The following MDM1 variants were observed in gnomAD, a reference collection of about 807,000 sequenced individuals.
MDM1 encodes Mdm1 nuclear protein.
A neutral mutation model predicts 89.1 loss-of-function variants in MDM1; 61 were observed. The ratio of observed to expected loss-of-function variants is 0.68; its 90% CI spans 0.56 to 0.85. MDM1 has a LOEUF of 0.85. Among genes scored for constraint, MDM1 ranks in the 40% least tolerant of loss-of-function variants. The pLI, the probability that MDM1 is intolerant of heterozygous loss-of-function variation, is 0.00. For missense variants in MDM1, 820 were observed against 846.5 expected, an observed-to-expected ratio of 0.97 and a Z score of 0.39; for synonymous variants, 290 against 294.1, an observed-to-expected ratio of 0.99 and a Z score of 0.14.
intron 10 of MDM1, among the ~76,000 whole-genome samples, 176 bp from the exon 11 acceptor site, chr12:68,313,929 C>T (rs892899520): frequency 1.6e-4 from 25 of 152,088 alleles, no homozygotes; most frequent in African/African-American, 6.0e-4. Context: ...ATCAGGAGAT[C>T]GAGACCATCC....
At chr12:68,313,417 T>G in intron 12 of MDM1, 26 bp downstream of exon 12, 2 of 1,495,242 alleles carry the variant, frequency 1.3e-6, no homozygotes, top group Non-Finnish European at 1.9e-6. Flanking sequence ...CTAGATGAGA[T>G]GCTTTTTTCC....
chr12:68,326,258 C>G (rs1875958330), intron 3 of MDM1: 1 of 1,171,402 alleles, frequency 8.5e-7, no homozygotes, highest in Admixed American at 4.2e-5. Flanking sequence ...AATTGAATTT[C>G]TGTTTGTCTT....
intron 5 of MDM1, among the ~76,000 whole-genome samples, chr12:68,322,179 T>C (rs1875319389): frequency 6.6e-6 from 1 of 152,216 alleles, no homozygotes; most frequent in Non-Finnish European, 1.5e-5. Flanking sequence ...GATTCAAAAA[T>C]AGTATTTATA....
intron 7 of MDM1, among the ~76,000 whole-genome samples, chr12:68,318,615 T>A (rs1318022960): frequency 6.6e-6 from 1 of 152,152 alleles, no homozygotes; most frequent in African/African-American, 2.4e-5. Flanking sequence ...TCCAAAGTAG[T>A]ATGTTCTACT....
chr12:68,330,987 A>C, intron 2 of MDM1, 120 bp downstream of exon 2: 2 of 665,058 alleles, frequency 3.0e-6, no homozygotes, highest in African/African-American at 1.8e-5. Context: ...AGGCCAACTG[A>C]ACTTTTAATA....
chr12:68,299,838 C>A (rs1383092098), intron 13 of MDM1, among the ~76,000 whole-genome samples: 1 of 152,166 alleles, frequency 6.6e-6, no homozygotes, highest in Non-Finnish European at 1.5e-5. Context: ...TCAATGAACT[C>A]TTAGGAACTT....
chr12:68,314,622 C>T (rs1006910361), intron 10 of MDM1, among the ~76,000 whole-genome samples: 2 of 152,140 alleles, frequency 1.3e-5, no homozygotes, highest in African/African-American at 4.8e-5. Context: ...TTAAAGAACA[C>T]CAGTTTTTTT....
intron 4 of MDM1, 114 bp from the exon 5 acceptor site, chr12:68,323,354 T>C: frequency 1.5e-6 from 1 of 687,172 alleles, no homozygotes; most frequent in Non-Finnish European, 2.3e-6. Flanking sequence ...ATAGCAAAGT[T>C]ATATATGATT....
chr12:68,297,039 T>A (rs1871495672), intron 13 of MDM1, 57 bp from the exon 14 acceptor site: 2 of 1,278,970 alleles, frequency 1.6e-6, no homozygotes, highest in Non-Finnish European at 2.2e-6. Flanking sequence ...ACAGCTTATC[T>A]CAATTATATA....
In MDM1 at chr12:68,295,336, C is replaced by G; in HGVS notation, c.2093G>C (p.Arg698Pro). 1 of 1,612,788 alleles carries G rather than the reference C, an allele frequency of 6.2e-7. No individual in the cohort carries two copies. The highest frequency in any genetic ancestry group is 1.1e-5 in the South Asian group (1 of 90,884). The change falls in exon 15 of 15, where the codon CGC (arginine) becomes CCC (proline). Residue 698 changes from arginine (R) to proline (P), a missense_variant. By Grantham distance (103) the Arg-to-Pro change is moderately radical (BLOSUM62 -2). Coordinates refer to ENST00000682720, the MANE Select transcript of MDM1 (RefSeq NM_001354969.2). ...DEDRLSEISA[R>P]SAASSLRAFQ... ...AGCCCGGAGACTAGAAGCTGCAGAG[C>G]GAGCAGAAATCTCAGACAATCTGTC...
rs1382013349 is a variant in MDM1 at position 68,313,631 on chromosome 12, G to A, written c.1639+13C>T. 1 of 1,610,626 alleles carries A rather than the reference G, an allele frequency of 6.2e-7. No homozygotes were observed. Among genetic ancestry groups the A allele is most frequent in the Non-Finnish European group, 8.5e-7 (1 of 1,176,924 alleles). ...GCAGGTTAAATAAGAACTGCACGGT[G>A]TTTGCCGATTACCAACAGCTGGAGT... On this transcript the variant is annotated intron_variant, in intron 11 of 14. Transcript: ENST00000682720.
At chr12:68,325,220 G>C (rs1261247774) in intron 4 of MDM1, 1 of 1,148,852 alleles carries the variant, frequency 8.7e-7, no homozygotes, top group Non-Finnish European at 1.1e-6. Flanking sequence ...TATATGTGCT[G>C]CATCTGGCAA....
intron 5 of MDM1, 32 bp from the exon 6 acceptor site, chr12:68,321,660 T>C (rs1875253097): frequency 7.1e-7 from 1 of 1,412,886 alleles, no homozygotes; most frequent in Admixed American, 1.8e-5. Context: ...CTTTTTATGC[T>C]TAAGATGTTA....
intron 12 of MDM1, among the ~76,000 whole-genome samples, chr12:68,309,352 G>C (rs1873370365): frequency 6.6e-6 from 1 of 152,152 alleles, no homozygotes; most frequent in Non-Finnish European, 1.5e-5. Flanking sequence ...TTTCAAAGAA[G>C]CATCATTGAC....
At position 68,321,426 on chromosome 12, in the gene MDM1, C is replaced by G; in HGVS notation, c.926G>C (p.Arg309Thr). 1.9e-6 allele frequency: 3 copies of G among 1,613,544 alleles called. No homozygotes were observed. In the East Asian group the frequency reaches 6.7e-5, roughly 36 times the overall value. Reference protein sequence around the residue: ...QRLGKVNSEYRAKFLSPAQYL... With the variant: ...QRLGKVNSEYTAKFLSPAQYL... ...CTGAGCTGGGCTCAGAAATTTTGCTCTATATTCGGAATTCACCTTCCTAAT... is the reference window on the plus strand; with the variant it reads ...CTGAGCTGGGCTCAGAAATTTTGCTGTATATTCGGAATTCACCTTCCTAAT... The change falls in exon 7 of 15, where the codon AGA becomes ACA. Residue 309 changes from arginine (R) to threonine (T), a missense_variant. By Grantham distance (71) the Arg-to-Thr change is moderately conservative. Coordinates refer to ENST00000682720, the MANE Select transcript of MDM1 (RefSeq NM_001354969.2).
intron 14 of MDM1, among the ~76,000 whole-genome samples, chr12:68,295,956 G>C (rs567648436): frequency 6.6e-6 from 1 of 152,274 alleles, no homozygotes; most frequent in South Asian, 2.1e-4. Context: ...AAAGTTGTCA[G>C]ACATTTGCAT....
intron 12 of MDM1, among the ~76,000 whole-genome samples, chr12:68,305,965 G>GAAAAAA (rs919831808): frequency 7.4e-6 from 1 of 135,142 alleles, no homozygotes; most frequent in African/African-American, 2.7e-5. Flanking sequence ...AAAAAAAAAG[G>GAAAAAA]AAAAAAAAAA....
Position 68,315,281 on chromosome 12 carries a change from A to G in MDM1, c.1212-16T>C. The G allele has an allele frequency of 6.3e-7, 1 of 1,592,498 alleles. No homozygotes were observed. Among genetic ancestry groups the G allele is most frequent in the Non-Finnish European group, 8.6e-7 (1 of 1,169,310 alleles). On this transcript the variant is annotated splice_polypyrimidine_tract_variant and intron_variant, in intron 9 of 14. Coordinates refer to ENST00000682720, the MANE Select transcript of MDM1 (RefSeq NM_001354969.2). ...TGTAGGATCTCTGCGTAACAAAATC[A>G]ATTTTATTTTAAATGTGAATAGTTT... is the stretch of plus-strand genomic sequence containing the variant.
At position 68,304,511 on chromosome 12, in the gene MDM1, C is replaced by T. The variant is rs114841279; in HGVS notation, c.1750-1639G>A. 4.6e-4 allele frequency among the ~76,000 whole-genome samples: 70 copies of T among 152,298 alleles called. 1 individual carries two copies. The East Asian group carries it at 0.011, about 23-fold the overall frequency. On this transcript the variant is annotated intron_variant, in intron 12 of 14. Transcript: ENST00000682720. ...CAAATCAATATGAAGGATAAAACCACAAATCTTCCACTTGTTTTCCTTTTT... is the reference window on the plus strand; with the variant it reads ...CAAATCAATATGAAGGATAAAACCATAAATCTTCCACTTGTTTTCCTTTTT...
Sources: allele counts gnomAD v4.1 joint callset (sites outside exome capture counted in the v4.1 genomes callset), GRCh38; gene constraint gnomAD v4.1.1; transcripts MANE v1.5; gene names NCBI Gene and HGNC (gene_info 2026-07-23, HGNC 2026-07-21).